Variants in CNTN4 observed in about 807,000 individuals in gnomAD.
CNTN4 encodes contactin 4, also known as contactin-4.
In CNTN4, 77 loss-of-function variants were observed where a neutral mutation model predicts 122.5. That is an observed-to-expected ratio of 0.63 (90% CI 0.52 to 0.76). The LOEUF (loss-of-function observed/expected upper bound fraction) is 0.76. CNTN4 is among the 30% of genes least tolerant of loss of function. The pLI, the probability that CNTN4 is intolerant of heterozygous loss-of-function variation, is 0.00. For missense variants in CNTN4, 1,256 were observed against 1,259.1 expected, an observed-to-expected ratio of 1.00 and a Z score of 0.04; for synonymous variants, 512 against 447.0, an observed-to-expected ratio of 1.15 and a Z score of -1.83.
intron 3 of CNTN4, among the ~76,000 whole-genome samples, chr3:2,553,599 G>C (rs2078601977): frequency 6.6e-6 from 1 of 152,114 alleles, no homozygotes; most frequent in Non-Finnish European, 1.5e-5. Context: ...CTAACACACA[G>C]GAAGAAAAGG....
At chr3:2,549,047 G>A (rs1377633873) in intron 3 of CNTN4, among the ~76,000 whole-genome samples, 3 of 152,150 alleles carry the variant, frequency 2.0e-5, no homozygotes, top group Non-Finnish European at 4.4e-5. Context: ...CTTTGCTGAA[G>A]TTGCTGATCA....
At chr3:2,373,288 G>A (rs1171315575) in intron 3 of CNTN4, among the ~76,000 whole-genome samples, 1 of 152,180 alleles carries the variant, frequency 6.6e-6, no homozygotes, top group Non-Finnish European at 1.5e-5. Context: ...GCAGGAGGAG[G>A]TAGTGGCTGT....
At chr3:2,328,836 AGCATCT>A (rs1320817674) in intron 2 of CNTN4, among the ~76,000 whole-genome samples, 2 of 152,168 alleles carry the variant, frequency 1.3e-5, no homozygotes, top group Non-Finnish European at 2.9e-5. Context: ...AAGGGACCCC[AGCATCT>A]GCAGGGGGTT....
At chr3:2,258,603 A>G (rs1347962314) in intron 2 of CNTN4, among the ~76,000 whole-genome samples, 2 of 152,122 alleles carry the variant, frequency 1.3e-5, no homozygotes, top group African/African-American at 2.4e-5. Context: ...GCTCATGTTT[A>G]TGAACCTACC....
intron 14 of CNTN4, among the ~76,000 whole-genome samples, chr3:3,014,047 T>TAC (rs10546128): frequency 0.041 from 6,031 of 146,446 alleles, 183 homozygotes; most frequent in African/African-American, 0.089. Flanking sequence ...CATTTAAATG[T>TAC]ACACACACAC....
intron 3 of CNTN4, among the ~76,000 whole-genome samples, chr3:2,399,141 T>G (rs756924355): frequency 2.8e-4 from 42 of 152,040 alleles, no homozygotes; most frequent in Non-Finnish European, 5.4e-4. Context: ...ATCCTTTAGG[T>G]TAGAGTGCTG....
intron 3 of CNTN4, among the ~76,000 whole-genome samples, chr3:2,382,580 A>T (rs1039113244): frequency 6.6e-6 from 1 of 152,196 alleles, no homozygotes; most frequent in African/African-American, 2.4e-5. Flanking sequence ...CTTGACTTCT[A>T]CTTTTATTCT....
chr3:2,443,091 C>T (rs908018968), intron 3 of CNTN4, among the ~76,000 whole-genome samples: 14 of 150,426 alleles, frequency 9.3e-5, no homozygotes, highest in African/African-American at 2.9e-4. Flanking sequence ...ACGCCCATGA[C>T]GTGTGTTTAC....
intron 4 of CNTN4, among the ~76,000 whole-genome samples, chr3:2,644,095 C>G (rs7630229): frequency 0.16 from 24,650 of 152,062 alleles, 2,234 homozygotes; most frequent in Admixed American, 0.22. Flanking sequence ...AGCACAAGCG[C>G]AGAGCCAGGG....
chr3:2,758,910 GT>G (rs2090461458), intron 6 of CNTN4, among the ~76,000 whole-genome samples: 1 of 152,050 alleles, frequency 6.6e-6, no homozygotes. Context: ...TATTCACGAA[GT>G]TGTACAACTG....
At chr3:2,582,110 C>G (rs1019609541) in intron 4 of CNTN4, among the ~76,000 whole-genome samples, 2 of 152,168 alleles carry the variant, frequency 1.3e-5, no homozygotes, top group Non-Finnish European at 2.9e-5. Context: ...CTAAAAATCA[C>G]TTAACTGTAC....
At chr3:2,674,266 C>T (rs1427950788) in intron 4 of CNTN4, among the ~76,000 whole-genome samples, 5 of 151,816 alleles carry the variant, frequency 3.3e-5, no homozygotes, top group East Asian at 1.9e-4. Flanking sequence ...TTCCTCATCA[C>T]GTTTTTTTTT....
chr3:2,247,864 A>G (rs2040215606), intron 2 of CNTN4, among the ~76,000 whole-genome samples: 1 of 151,992 alleles, frequency 6.6e-6, no homozygotes, highest in African/African-American at 2.4e-5. Context: ...ATGTATTACT[A>G]TTAAATTTTC....
At chr3:2,725,027 A>G (rs2088122803) in intron 4 of CNTN4, among the ~76,000 whole-genome samples, 1 of 152,224 alleles carries the variant, frequency 6.6e-6, no homozygotes, top group African/African-American at 2.4e-5. Context: ...AAGCCAAAGC[A>G]GATCTTCTAG....
chr3:2,305,862 T>C (rs1407532297), intron 2 of CNTN4, among the ~76,000 whole-genome samples: 1 of 152,168 alleles, frequency 6.6e-6, no homozygotes, highest in Non-Finnish European at 1.5e-5. Flanking sequence ...GTTCAAGAAG[T>C]GTAACACAAA....
intron 2 of CNTN4, among the ~76,000 whole-genome samples, chr3:2,170,285 A>G (rs4305411): frequency 2.6e-5 from 4 of 151,906 alleles, no homozygotes; most frequent in Non-Finnish European, 4.4e-5. Flanking sequence ...GCGCCACCGC[A>G]CTCCAGCCTG....
At position 2,733,532 on chromosome 3, in the gene CNTN4, G is replaced by GTTTTTTTTT. The variant is rs1201306391; in HGVS notation, c.56-2672_56-2664dup. Among the ~76,000 whole-genome samples, 10 of 120,528 alleles carry GTTTTTTTTT rather than the reference G, an allele frequency of 8.3e-5. 1 individual carries two copies. The highest frequency in any genetic ancestry group is 3.1e-4 in the African/African-American group (9 of 29,038). 79.1% of individuals were successfully genotyped at this position (120,528 alleles called of 152,430 possible). A position where few individuals can be genotyped will look rare whatever the true frequency, so the allele number is the denominator to read the frequency against. ...TTTTTTTTTTAAAGTGCATGTTTGT[G>GTTTTTTTTT]TTTTTTTTTTTTTTTTTTTGAGACA... On this transcript the variant is annotated intron_variant, in intron 4 of 24. Transcript: ENST00000418658.
intron 3 of CNTN4, among the ~76,000 whole-genome samples, chr3:2,522,590 G>A (rs976916745): frequency 1.3e-5 from 2 of 152,048 alleles, no homozygotes; most frequent in African/African-American, 2.4e-5. Context: ...TTCAATGACC[G>A]AAGAGTGCAA....
At chr3:2,616,700 A>G (rs1024633598) in intron 4 of CNTN4, among the ~76,000 whole-genome samples, 5 of 152,192 alleles carry the variant, frequency 3.3e-5, no homozygotes, top group African/African-American at 7.2e-5. Flanking sequence ...CTAAGAAAAA[A>G]GAACAAAGCT....
Sources: gnomAD v4.1 joint callset for allele counts (sites outside exome capture counted in the v4.1 genomes callset) on GRCh38, gnomAD v4.1.1 for gene constraint, MANE v1.5 for transcripts, NCBI Gene and HGNC (gene_info 2026-07-23, HGNC 2026-07-21) for gene names.